KLHL18: variants seen among roughly 807,000 people sequenced by gnomAD.
The protein encoded by KLHL18 is kelch like family member 18, also known as kelch-like protein 18.
In KLHL18, 38 loss-of-function variants were observed where a neutral mutation model predicts 58.5. The observed-to-expected ratio is 0.65, with a 90% CI of 0.50 to 0.85. The LOEUF is 0.85. Among genes scored for constraint, KLHL18 ranks in the 40% least tolerant of loss-of-function variants. KLHL18 has a pLI of 0.00. For synonymous variants in KLHL18, 303 were observed against 301.9 expected, an observed-to-expected ratio of 1.00 and a Z score of -0.04; for missense variants, 624 against 778.4, an observed-to-expected ratio of 0.80 and a Z score of 2.36.
intron 2 of KLHL18, 56 bp from the exon 3 acceptor site, chr3:47,322,512 C>G (rs1226432800): frequency 2.0e-6 from 3 of 1,502,804 alleles, no homozygotes; most frequent in Non-Finnish European, 2.7e-6. Flanking sequence ...CCTGAGTCTC[C>G]CGTGGGCCAA....
At chr3:47,293,951 G>A (rs1213194228) in intron 1 of KLHL18, among the ~76,000 whole-genome samples, 1 of 152,160 alleles carries the variant, frequency 6.6e-6, no homozygotes, top group Admixed American at 6.5e-5. Context: ...TATTTATAGT[G>A]TTGTAACTCC....
intron 5 of KLHL18, 37 bp downstream of exon 5, chr3:47,333,354 G>A (rs368574137): frequency 6.3e-7 from 1 of 1,593,324 alleles, no homozygotes. Context: ...CACTGCCAAA[G>A]GTCTAAGCAG....
intron 7 of KLHL18, among the ~76,000 whole-genome samples, chr3:47,340,114 G>T (rs1704076592): frequency 6.6e-6 from 1 of 152,192 alleles, no homozygotes; most frequent in Non-Finnish European, 1.5e-5. Flanking sequence ...TAAGTGCTTT[G>T]TGGGCTGGAA....
At chr3:47,307,582 G>T (rs1006802488) in intron 1 of KLHL18, among the ~76,000 whole-genome samples, 1 of 150,328 alleles carries the variant, frequency 6.7e-6, no homozygotes, top group East Asian at 1.9e-4. Flanking sequence ...TAGAGACAAG[G>T]TCTTGCCATG....
chr3:47,337,239 G>A (rs958797047), intron 7 of KLHL18: 25 of 173,042 alleles, frequency 1.4e-4, no homozygotes, highest in Admixed American at 1.2e-3. Context: ...GGGAGAATAC[G>A]AACCAAAGCA....
chr3:47,343,463 A>G, intron 9 of KLHL18, 92 bp from the exon 10 acceptor site: 3 of 1,452,742 alleles, frequency 2.1e-6, no homozygotes, highest in Non-Finnish European at 2.8e-6. Context: ...GGAGTTTGAC[A>G]TCATGGGGGG....
Position 47,343,690 on chromosome 3 carries a change from A to T in KLHL18, c.1474A>T (p.Ser492Cys), listed in dbSNP as rs751524975. The T allele has an allele frequency of 2.5e-6, 4 of 1,614,024 alleles. No homozygotes were observed. In the East Asian group the frequency reaches 8.9e-5, roughly 36 times the overall value. ...GGGCTACGATGGCTCTGGCTTCCTC[A>T]GCATTGCCGAGATGTACAGCTCTGT... ...CGGYDGSGFL[S>C]IAEMYSSVAD... The change falls in exon 10 of 10, where the codon AGC (serine) becomes TGC (cysteine). Residue 492 changes from serine to cysteine, a missense_variant. Coordinates refer to ENST00000232766, the MANE Select transcript of KLHL18 (RefSeq NM_025010.5).
At position 47,291,875 on chromosome 3, in the gene KLHL18, C is replaced by T. The variant is rs550060133; in HGVS notation, c.129+8781C>T. On this transcript the variant is annotated intron_variant, in intron 1 of 9. Transcript: ENST00000232766. ...AAGTGAGTAAGTAACATAGAAGTTA[C>T]TGTTAAATTTAGCATCTCATTTGTA... Among the ~76,000 whole-genome samples the T allele has an allele frequency of 4.6e-5, 7 of 152,322 alleles. No homozygotes were observed. In the East Asian group the frequency reaches 9.6e-4, roughly 21 times the overall value.
At chr3:47,324,762 A>C (rs2107637622) in intron 3 of KLHL18, among the ~76,000 whole-genome samples, 1 of 152,282 alleles carries the variant, frequency 6.6e-6, no homozygotes, top group South Asian at 2.1e-4. Context: ...TGCTTGAACC[A>C]GGAGCCCAAG....
intron 1 of KLHL18, among the ~76,000 whole-genome samples, chr3:47,314,776 C>T (rs1290990317): frequency 6.6e-6 from 1 of 152,220 alleles, no homozygotes; most frequent in Non-Finnish European, 1.5e-5. Flanking sequence ...TATCCTTTAG[C>T]TATTCCTTAT....
intron 1 of KLHL18, among the ~76,000 whole-genome samples, chr3:47,295,739 A>T (rs943169130): frequency 2.6e-5 from 4 of 150,946 alleles, no homozygotes; most frequent in South Asian, 2.1e-4. Flanking sequence ...CAGTTAATTT[A>T]AAAAAAAATT....
At chr3:47,289,052 T>C (rs1365781817) in intron 1 of KLHL18, among the ~76,000 whole-genome samples, 1 of 152,224 alleles carries the variant, frequency 6.6e-6, no homozygotes, top group Non-Finnish European at 1.5e-5. Flanking sequence ...ATTTATTTTT[T>C]CCCCTATGCT....
At chr3:47,305,705 G>T (rs562835190) in intron 1 of KLHL18, among the ~76,000 whole-genome samples, 46 of 152,134 alleles carry the variant, frequency 3.0e-4, no homozygotes, top group African/African-American at 1.1e-3. Context: ...TAAACATTTG[G>T]TAGAATTCTC....
chr3:47,319,613 A>G, intron 1 of KLHL18, 40 bp from the exon 2 acceptor site: 3 of 1,597,354 alleles, frequency 1.9e-6, no homozygotes, highest in Non-Finnish European at 2.6e-6. Flanking sequence ...TTTGTTTTGC[A>G]TTCCTCAATA....
intron 1 of KLHL18, among the ~76,000 whole-genome samples, chr3:47,309,756 G>C (rs999991094): frequency 6.6e-6 from 1 of 152,194 alleles, no homozygotes; most frequent in Admixed American, 6.5e-5. Flanking sequence ...CCGGCACCTC[G>C]GGAGGCCGAG....
intron 1 of KLHL18, among the ~76,000 whole-genome samples, chr3:47,293,831 G>A (rs968097312): frequency 6.6e-6 from 1 of 152,128 alleles, no homozygotes; most frequent in African/African-American, 2.4e-5. Flanking sequence ...TCTGTGTTAG[G>A]GGGGCACACA....
intron 1 of KLHL18, among the ~76,000 whole-genome samples, chr3:47,293,630 G>A (rs1208080886): frequency 6.6e-6 from 1 of 152,188 alleles, no homozygotes; most frequent in African/African-American, 2.4e-5. Flanking sequence ...TGTAAATGTC[G>A]TGTAACCTTG....
chr3:47,303,192 A>G (rs1703064068), intron 1 of KLHL18, among the ~76,000 whole-genome samples: 1 of 152,182 alleles, frequency 6.6e-6, no homozygotes, highest in African/African-American at 2.4e-5. Context: ...TATAACAATG[A>G]TGGCATCTTC....
intron 8 of KLHL18, among the ~76,000 whole-genome samples, chr3:47,341,081 C>G (rs1042768500): frequency 1.3e-5 from 2 of 152,110 alleles, no homozygotes; most frequent in Non-Finnish European, 2.9e-5. Context: ...TCTGAACTGC[C>G]AGAGTCCTTG....
Sources: allele counts gnomAD v4.1 joint callset (sites outside exome capture counted in the v4.1 genomes callset), GRCh38; gene constraint gnomAD v4.1.1; transcripts MANE v1.5; gene names NCBI Gene and HGNC (gene_info 2026-07-23, HGNC 2026-07-21).